FOXP1: variants seen among roughly 807,000 people sequenced by gnomAD.
FOXP1 encodes the protein forkhead box P1.
FOXP1 carries 15 observed loss-of-function variants against 98.2 expected under a neutral mutation model. The ratio of observed to expected loss-of-function variants is 0.15; its 90% CI spans 0.10 to 0.24. The LOEUF is 0.24. FOXP1 is among the 10% of genes least tolerant of loss of function. The pLI, the probability that FOXP1 is intolerant of heterozygous loss-of-function variation, is 1.00. For synonymous variants in FOXP1, 371 were observed against 314.5 expected, an observed-to-expected ratio of 1.18 and a Z score of -1.90; for missense variants, 633 against 848.5, an observed-to-expected ratio of 0.75 and a Z score of 3.15.
chr3:70,965,400 A>G (rs992990543), intron 20 of FOXP1, among the ~76,000 whole-genome samples: 3 of 152,196 alleles, frequency 2.0e-5, no homozygotes, highest in Non-Finnish European at 4.4e-5. Context: ...ATATTTTAAG[A>G]GCAATCTATA....
intron 7 of FOXP1, among the ~76,000 whole-genome samples, chr3:71,054,447 T>TA (rs1445552229): frequency 6.6e-6 from 1 of 152,230 alleles, no homozygotes; most frequent in Non-Finnish European, 1.5e-5. Context: ...TTGCAACTGT[T>TA]AACACGTTTC....
chr3:71,102,574 G>A (rs1203812724), intron 7 of FOXP1, among the ~76,000 whole-genome samples: 1 of 152,208 alleles, frequency 6.6e-6, no homozygotes, highest in Admixed American at 6.5e-5. Context: ...AGAGCTGTCT[G>A]CAGGCTTTGA....
chr3:71,382,205 G>T (rs1029972777), intron 3 of FOXP1, among the ~76,000 whole-genome samples: 1 of 151,960 alleles, frequency 6.6e-6, no homozygotes, highest in Admixed American at 6.6e-5. Context: ...AGCCCAGGAG[G>T]TAGAGGCAGC....
rs538035308 is a variant in FOXP1, at chr3:71,375,557, T to C, written c.-167-16313A>G. On this transcript the variant is annotated intron_variant, in intron 3 of 20. Transcript: ENST00000649528. Reference sequence around the variant, plus strand: ...CAAGTGAATTCTCAGCTTAACATCCTGAAATTAAGTCCTAAATGTTCCATA... The same window carrying C: ...CAAGTGAATTCTCAGCTTAACATCCCGAAATTAAGTCCTAAATGTTCCATA... 2.0e-5 allele frequency among the ~76,000 whole-genome samples: 3 copies of C among 152,340 alleles called. No individual in the cohort carries two copies. In the South Asian group the frequency reaches 6.2e-4, roughly 32 times the overall value.
At chr3:71,152,165 A>T (rs1233635290) in intron 6 of FOXP1, among the ~76,000 whole-genome samples, 1 of 152,130 alleles carries the variant, frequency 6.6e-6, no homozygotes, top group African/African-American at 2.4e-5. Context: ...GAAGAAGCAA[A>T]GGGCTGTGTT....
At chr3:71,302,839 A>G (rs534980634) in intron 4 of FOXP1, 1 of 152,258 alleles carries the variant, frequency 6.6e-6, no homozygotes, top group East Asian at 1.9e-4. Flanking sequence ...CAGGACACCA[A>G]ATTTCTACTG....
chr3:71,121,300 T>C (rs1452692561), intron 6 of FOXP1, among the ~76,000 whole-genome samples: 2 of 151,636 alleles, frequency 1.3e-5, no homozygotes, highest in African/African-American at 2.4e-5. Flanking sequence ...AGTAACCTTT[T>C]TTACTTGAAA....
chr3:71,274,767 T>G (rs1171259745), intron 5 of FOXP1, among the ~76,000 whole-genome samples: 6 of 152,094 alleles, frequency 3.9e-5, no homozygotes, highest in Admixed American at 6.5e-5. Flanking sequence ...ATCAACAGTT[T>G]CTTATCACTG....
In FOXP1 at chr3:71,179,544, T is replaced by C. The variant is rs1393853920; in HGVS notation, c.180+18658A>G. Among the ~76,000 whole-genome samples, 9 of 152,278 alleles carry C rather than the reference T, an allele frequency of 5.9e-5. No individual in the cohort carries two copies. In the South Asian group the frequency reaches 1.2e-3, roughly 21 times the overall value. On this transcript the variant is annotated intron_variant, in intron 6 of 20. Coordinates refer to ENST00000649528, the MANE Select transcript of FOXP1 (RefSeq NM_001349338.3). ...GAAACCAAGAACATGAATTTTCCCT[T>C]AAAACTGTAAACACACAAAATGTGA...
At chr3:71,002,520 C>T (rs2042246114) in intron 12 of FOXP1, among the ~76,000 whole-genome samples, 1 of 152,208 alleles carries the variant, frequency 6.6e-6, no homozygotes, top group South Asian at 2.1e-4. Context: ...GCTGCTCACT[C>T]ACCTGGGGTG....
intron 4 of FOXP1, among the ~76,000 whole-genome samples, chr3:71,313,567 C>T (rs112077636): frequency 0.012 from 1,877 of 151,900 alleles, 32 homozygotes; most frequent in East Asian, 0.031. Flanking sequence ...GCACTCTCGC[C>T]CAGGCTGGAG....
chr3:71,510,259 C>T (rs2042109595), intron 2 of FOXP1, among the ~76,000 whole-genome samples: 2 of 151,898 alleles, frequency 1.3e-5, no homozygotes, highest in Non-Finnish European at 1.5e-5. Context: ...GAGTCCAAGG[C>T]GGGTGTATCA....
chr3:71,323,581 T>C (rs1276612402), intron 4 of FOXP1, among the ~76,000 whole-genome samples: 4 of 152,290 alleles, frequency 2.6e-5, no homozygotes, highest in East Asian at 1.9e-4. Flanking sequence ...GGGAAGAGTG[T>C]GTAACTAGTT....
chr3:71,457,270 T>A (rs1381666361), intron 3 of FOXP1, among the ~76,000 whole-genome samples: 1 of 152,210 alleles, frequency 6.6e-6, no homozygotes, highest in Non-Finnish European at 1.5e-5. Context: ...AATGAATTTA[T>A]GCACACTGGA....
intron 5 of FOXP1, among the ~76,000 whole-genome samples, chr3:71,200,207 A>T (rs984426298): frequency 3.3e-5 from 5 of 152,100 alleles, no homozygotes; most frequent in African/African-American, 1.2e-4. Flanking sequence ...CACTTGGCTC[A>T]GAAAAGATGT....
intron 12 of FOXP1, among the ~76,000 whole-genome samples, chr3:71,014,705 C>T (rs187722240): frequency 3.0e-4 from 46 of 152,184 alleles, no homozygotes; most frequent in Admixed American, 2.1e-3. Context: ...ATGTTTATTG[C>T]GGCACTATTC....
At chr3:71,134,468 G>A (rs1035616513) in intron 6 of FOXP1, among the ~76,000 whole-genome samples, 1 of 152,142 alleles carries the variant, frequency 6.6e-6, no homozygotes, top group Admixed American at 6.5e-5. Context: ...TAGGTAGGTA[G>A]GTAGATAGAC....
intron 6 of FOXP1, among the ~76,000 whole-genome samples, chr3:71,141,266 CAAAAAAA>C (rs71621921): frequency 2.8e-5 from 2 of 71,846 alleles, no homozygotes; most frequent in Non-Finnish European, 5.9e-5. Flanking sequence ...GACTCTGTCT[CAAAAAAA>C]AAAAAAAAAA....
chr3:71,033,901 C>G (rs1025139403), intron 11 of FOXP1, among the ~76,000 whole-genome samples: 5 of 152,158 alleles, frequency 3.3e-5, no homozygotes, highest in African/African-American at 1.2e-4. Flanking sequence ...CTGACCTCAG[C>G]AGGAACAGCT....
Sources: gnomAD v4.1 joint callset for allele counts (sites outside exome capture counted in the v4.1 genomes callset) on GRCh38, gnomAD v4.1.1 for gene constraint, MANE v1.5 for transcripts, NCBI Gene and HGNC (gene_info 2026-07-23, HGNC 2026-07-21) for gene names.